CDH13: variants seen among roughly 807,000 people sequenced by gnomAD.
CDH13 encodes the protein cadherin-13.
In CDH13, 24 loss-of-function variants were observed where a neutral mutation model predicts 63.8. The observed-to-expected ratio is 0.38, with a 90% CI of 0.27 to 0.53. CDH13 has a LOEUF of 0.53. CDH13 is among the 20% of genes least tolerant of loss of function. The pLI, the probability that CDH13 is intolerant of heterozygous loss-of-function variation, is 0.85. For synonymous variants in CDH13, 503 were observed against 355.3 expected, an observed-to-expected ratio of 1.42 and a Z score of -4.67; for missense variants, 1,049 against 903.1, an observed-to-expected ratio of 1.16 and a Z score of -2.07.
intron 3 of CDH13, among the ~76,000 whole-genome samples, chr16:83,065,090 A>T (rs775303341): frequency 6.6e-6 from 1 of 152,014 alleles, no homozygotes; most frequent in South Asian, 2.1e-4. Flanking sequence ...CATACAAGTG[A>T]GATCATGTGG....
intron 3 of CDH13, among the ~76,000 whole-genome samples, chr16:83,044,202 A>G (rs1277770256): frequency 6.6e-6 from 1 of 152,210 alleles, no homozygotes; most frequent in African/African-American, 2.4e-5. Context: ...AAGTTAAGTA[A>G]CTTAACCAGT....
At chr16:83,196,997 A>T (rs1444801259) in intron 4 of CDH13, among the ~76,000 whole-genome samples, 1 of 152,234 alleles carries the variant, frequency 6.6e-6, no homozygotes, top group Non-Finnish European at 1.5e-5. Flanking sequence ...AAATGTTCAT[A>T]GCAGCTTGAT....
chr16:82,953,158 T>C (rs1905537738), intron 2 of CDH13: 1 of 152,242 alleles, frequency 6.6e-6, no homozygotes, highest in African/African-American at 2.4e-5. Flanking sequence ...GGCTAGCATC[T>C]TGGTGTAATC....
At chr16:82,949,058 A>G (rs565446899) in intron 2 of CDH13, among the ~76,000 whole-genome samples, 2 of 152,114 alleles carry the variant, frequency 1.3e-5, no homozygotes, top group African/African-American at 4.8e-5. Context: ...CCTCCTTATG[A>G]CCCAAAGAGA....
At chr16:83,221,986 T>C (rs2039714186) in intron 5 of CDH13, among the ~76,000 whole-genome samples, 1 of 152,178 alleles carries the variant, frequency 6.6e-6, no homozygotes, top group South Asian at 2.1e-4. Context: ...AAGATGTATT[T>C]TTACTATTAA....
intron 2 of CDH13, among the ~76,000 whole-genome samples, chr16:82,985,386 T>A (rs547636720): frequency 1.5e-4 from 23 of 151,940 alleles, no homozygotes; most frequent in African/African-American, 5.6e-4. Flanking sequence ...AACATGGTAG[T>A]TACTTTTGGA....
At chr16:83,042,127 C>T (rs1170250630) in intron 3 of CDH13, among the ~76,000 whole-genome samples, 1 of 152,226 alleles carries the variant, frequency 6.6e-6, no homozygotes, top group Non-Finnish European at 1.5e-5. Context: ...ACGCTGCAGA[C>T]ATGTGACTTT....
chr16:83,512,610 G>C (rs192064391), intron 7 of CDH13, among the ~76,000 whole-genome samples: 1 of 150,902 alleles, frequency 6.6e-6, no homozygotes, highest in Non-Finnish European at 1.5e-5. Flanking sequence ...GGAGGTTGCA[G>C]TGAGCTGAGA....
At chr16:83,256,596 C>G (rs540264309) in intron 5 of CDH13, among the ~76,000 whole-genome samples, 1 of 149,914 alleles carries the variant, frequency 6.7e-6, no homozygotes, top group East Asian at 2.0e-4. Context: ...CTTTGGGAGG[C>G]TGAGGCGGGC....
intron 6 of CDH13, among the ~76,000 whole-genome samples, chr16:83,480,839 C>T (rs1489912515): frequency 6.6e-6 from 1 of 152,106 alleles, no homozygotes; most frequent in African/African-American, 2.4e-5. Flanking sequence ...CTAGATATTC[C>T]CCAAAATGCT....
At chr16:82,993,800 G>A (rs763677686) in intron 2 of CDH13, among the ~76,000 whole-genome samples, 19 of 152,104 alleles carry the variant, frequency 1.2e-4, no homozygotes, top group East Asian at 5.8e-4. Context: ...TAACAAGCAG[G>A]TTTTCCTGAA....
chr16:83,167,912 G>C (rs1486438164), intron 4 of CDH13, among the ~76,000 whole-genome samples: 6 of 152,014 alleles, frequency 3.9e-5, no homozygotes, highest in African/African-American at 1.4e-4. Flanking sequence ...CATGGATGCA[G>C]CCAGGGGCTA....
intron 12 of CDH13, among the ~76,000 whole-genome samples, chr16:83,780,439 A>G (rs757977890): frequency 6.6e-6 from 1 of 152,230 alleles, no homozygotes; most frequent in Non-Finnish European, 1.5e-5. Context: ...GATATTTTCT[A>G]TACTGTACAC....
At chr16:83,103,243 C>CTTTTTTTTTTT (rs35812420) in intron 3 of CDH13, among the ~76,000 whole-genome samples, 1 of 91,216 alleles carries the variant, frequency 1.1e-5, no homozygotes, top group African/African-American at 4.2e-5. Flanking sequence ...GTTAACTGAA[C>CTTTTTTTTTTT]TTTTTTTTTT....
intron 5 of CDH13, among the ~76,000 whole-genome samples, chr16:83,266,423 A>C (rs1208684235): frequency 6.6e-6 from 1 of 152,212 alleles, no homozygotes; most frequent in Non-Finnish European, 1.5e-5. Context: ...AATTGTAGCC[A>C]TTGTTAACAT....
At chr16:83,241,264 C>A (rs1904420030) in intron 5 of CDH13, among the ~76,000 whole-genome samples, 1 of 152,178 alleles carries the variant, frequency 6.6e-6, no homozygotes, top group South Asian at 2.1e-4. Context: ...GTTGCTTCCA[C>A]CTCTTGACTA....
At chr16:83,200,746 A>C (rs2039003042) in intron 4 of CDH13, among the ~76,000 whole-genome samples, 1 of 152,190 alleles carries the variant, frequency 6.6e-6, no homozygotes, top group Non-Finnish European at 1.5e-5. Flanking sequence ...CAAAGCATTT[A>C]TTGACTCACA....
At chr16:83,546,613 T>C (rs1297409043) in intron 7 of CDH13, among the ~76,000 whole-genome samples, 3 of 152,196 alleles carry the variant, frequency 2.0e-5, no homozygotes, top group East Asian at 1.9e-4. Flanking sequence ...TCTTATGCCA[T>C]GTCTCTGATC....
intron 7 of CDH13, among the ~76,000 whole-genome samples, chr16:83,516,611 G>A (rs1227238956): frequency 6.6e-6 from 1 of 152,122 alleles, no homozygotes; most frequent in Non-Finnish European, 1.5e-5. Context: ...TCATGTTGAG[G>A]AGAATGGCTG....
Sources: allele counts gnomAD v4.1 joint callset (sites outside exome capture counted in the v4.1 genomes callset), GRCh38; gene constraint gnomAD v4.1.1; transcripts MANE v1.5; gene names NCBI Gene and HGNC (gene_info 2026-07-23, HGNC 2026-07-21).